The following NYAP2 variants were observed in gnomAD, a reference collection of about 807,000 sequenced individuals.
NYAP2 encodes neuronal tyrosine-phosphorylated phosphoinositide-3-kinase adapter 2.
A neutral mutation model predicts 50.4 loss-of-function variants in NYAP2; 23 were observed. That is an observed-to-expected ratio of 0.46 (90% confidence interval 0.33 to 0.65). NYAP2 has a LOEUF of 0.65. Among genes scored for constraint, NYAP2 ranks in the 30% least tolerant of loss-of-function variants. The probability of loss-of-function intolerance (pLI) is 0.02; values close to 1 mark genes in which losing one functional copy is unlikely to be tolerated. For synonymous variants in NYAP2, 394 were observed against 365.2 expected (o/e 1.08, Z -0.90); for missense variants, 885 against 861.0 (o/e 1.03, Z -0.35).
the NYAP2 span, among the ~76,000 whole-genome samples, chr2:225,672,608 C>T: frequency 6.6e-6 from 1 of 152,122 alleles, no homozygotes; most frequent in African/African-American, 2.4e-5. Context: ...TAACTATTGG[C>T]AACAAGAAAC....
rs1331704448 is a variant in NYAP2 at position 225,411,587 on chromosome 2, A to T, written c.221+2486A>T. On this transcript the variant is annotated intron_variant, in intron 3 of 6. Transcript: ENST00000636099. Reference sequence around the variant, plus strand: ...TAGATTTCACCATCATGAGCCAAGGACTTAAATTTAAATAGAGATGATAAA... The same window carrying T: ...TAGATTTCACCATCATGAGCCAAGGTCTTAAATTTAAATAGAGATGATAAA... Among the ~76,000 whole-genome samples the T allele has an allele frequency of 2.6e-5, 4 of 151,938 alleles. No individual in the cohort carries two copies. The East Asian group carries it at 7.7e-4, about 29-fold the overall frequency.
At chr2:225,563,203 A>G (rs1691903642) in intron 4 of NYAP2, among the ~76,000 whole-genome samples, 1 of 152,102 alleles carries the variant, frequency 6.6e-6, no homozygotes, top group Admixed American at 6.6e-5. Context: ...ACAAATAAAC[A>G]TGCACCTAGA....
At chr2:225,471,611 T>C (rs1449557552) in intron 3 of NYAP2, among the ~76,000 whole-genome samples, 1 of 152,212 alleles carries the variant, frequency 6.6e-6, no homozygotes, top group Non-Finnish European at 1.5e-5. Context: ...CTGCAGTTGA[T>C]TTCAGCAAAT....
chr2:225,491,186 T>C (rs1484916916), intron 3 of NYAP2, among the ~76,000 whole-genome samples: 1 of 152,200 alleles, frequency 6.6e-6, no homozygotes, highest in Non-Finnish European at 1.5e-5. Context: ...GGGAATTGCC[T>C]AGAGTTTATT....
At chr2:225,651,856 T>A (rs548208957) in exon 7 of NYAP2, 121 of 271,870 alleles carry the variant, frequency 4.5e-4, no homozygotes, top group Admixed American at 4.4e-3. Flanking sequence ...GGTTCTTTTT[T>A]AAATTCTTTC....
chr2:225,407,241 C>T (rs1398566841), intron 2 of NYAP2, among the ~76,000 whole-genome samples: 2 of 151,986 alleles, frequency 1.3e-5, no homozygotes, highest in Non-Finnish European at 2.9e-5. Flanking sequence ...CATTAATTTA[C>T]TATTCTTCAT....
intron 4 of NYAP2, among the ~76,000 whole-genome samples, chr2:225,536,904 G>A (rs1023473357): frequency 4.6e-5 from 7 of 151,404 alleles, no homozygotes; most frequent in Admixed American, 1.3e-4. Flanking sequence ...TCAGCCTCCC[G>A]AATAGCTGGG....
the NYAP2 span, among the ~76,000 whole-genome samples, chr2:225,680,379 C>A: frequency 6.6e-6 from 1 of 152,036 alleles, no homozygotes; most frequent in Non-Finnish European, 1.5e-5. Flanking sequence ...GGGTTGCAAT[C>A]TTATAGAGTA....
intron 5 of NYAP2, among the ~76,000 whole-genome samples, chr2:225,620,420 C>T (rs1273058401): frequency 3.3e-5 from 1 of 29,964 alleles, no homozygotes; most frequent in African/African-American, 8.4e-5. Flanking sequence ...CACACATGCA[C>T]GCACACGCAC....
chr2:225,472,506 T>C (rs1358228758), intron 3 of NYAP2, among the ~76,000 whole-genome samples: 2 of 152,136 alleles, frequency 1.3e-5, no homozygotes, highest in East Asian at 3.9e-4. Flanking sequence ...CCTTCAAAAT[T>C]AAACAGTCCC....
At chr2:225,450,874 T>C (rs1458136779) in intron 3 of NYAP2, among the ~76,000 whole-genome samples, 1 of 152,182 alleles carries the variant, frequency 6.6e-6, no homozygotes, top group African/African-American at 2.4e-5. Context: ...CTTGTCATTC[T>C]CACACCAATC....
intron 4 of NYAP2, among the ~76,000 whole-genome samples, chr2:225,578,951 G>A (rs1004557269): frequency 3.3e-5 from 5 of 152,076 alleles, no homozygotes; most frequent in East Asian, 1.9e-4. Flanking sequence ...TAGCATGGTC[G>A]GTTTCTGATG....
intron 4 of NYAP2, among the ~76,000 whole-genome samples, chr2:225,573,460 C>G (rs1348968929): frequency 6.6e-6 from 1 of 152,002 alleles, no homozygotes; most frequent in African/African-American, 2.4e-5. Context: ...CTATGTTGGT[C>G]AGGCTGGTCT....
chr2:225,542,914 A>G (rs550486484), intron 4 of NYAP2, among the ~76,000 whole-genome samples: 1 of 152,158 alleles, frequency 6.6e-6, no homozygotes, highest in African/African-American at 2.4e-5. Flanking sequence ...CTTTGTTGGA[A>G]AAATTTGTGT....
chr2:225,538,907 A>G (rs547068513), intron 4 of NYAP2, among the ~76,000 whole-genome samples: 81 of 151,186 alleles, frequency 5.4e-4, no homozygotes, highest in African/African-American at 1.9e-3. Flanking sequence ...CAGGCTTGTC[A>G]CATAGGTATA....
intron 4 of NYAP2, among the ~76,000 whole-genome samples, chr2:225,564,702 C>G (rs923497243): frequency 6.6e-6 from 1 of 151,426 alleles, no homozygotes; most frequent in Non-Finnish European, 1.5e-5. Context: ...AAAAAACATG[C>G]TCACTATCTG....
At chr2:225,408,968 G>C in exon 3 of NYAP2, 3 of 1,611,912 alleles carry the variant, frequency 1.9e-6, no homozygotes, top group Non-Finnish European at 2.5e-6. Context: ...GGGGATGAAG[G>C]CCTATGATGG....
chr2:225,454,940 T>C (rs553255075), intron 3 of NYAP2, among the ~76,000 whole-genome samples: 62 of 152,194 alleles, frequency 4.1e-4, no homozygotes, highest in African/African-American at 1.4e-3. Context: ...TATTTTTGGG[T>C]GATCTCAATG....
the NYAP2 span, among the ~76,000 whole-genome samples, chr2:225,696,544 T>G: frequency 6.6e-6 from 1 of 151,954 alleles, no homozygotes; most frequent in East Asian, 1.9e-4. Flanking sequence ...ATCCATGTTT[T>G]CTAGGTCTAG....
Sources: gnomAD v4.1 joint callset for allele counts (sites outside exome capture counted in the v4.1 genomes callset) on GRCh38, gnomAD v4.1.1 for gene constraint, MANE v1.5 for transcripts, NCBI Gene and HGNC (gene_info 2026-07-23, HGNC 2026-07-21) for gene names.